SPAG9: variants seen among roughly 807,000 people sequenced by gnomAD.
SPAG9 encodes the protein sperm associated antigen 9.
In SPAG9, 35 loss-of-function variants were observed where a neutral mutation model predicts 166.5. The ratio of observed to expected loss-of-function variants is 0.21; its 90% CI spans 0.16 to 0.28. SPAG9 has a LOEUF of 0.28. Ranked by LOEUF, SPAG9 falls within the 10% of genes least tolerant of loss-of-function variation. The pLI, the probability that SPAG9 is intolerant of heterozygous loss-of-function variation, is 1.00. For missense variants in SPAG9, 1,235 were observed against 1,603.3 expected (o/e 0.77, Z 3.92); for synonymous variants, 534 against 565.5 (o/e 0.94, Z 0.79).
rs1261342927 is a variant in SPAG9, at chr17:50,989,845, T to A, written c.2645A>T (p.Asp882Val). 1 of 1,614,048 alleles carries A rather than the reference T, an allele frequency of 6.2e-7. No homozygotes were observed. Among genetic ancestry groups the A allele is most frequent in the South Asian group, 1.1e-5 (1 of 91,082 alleles). ...PEMEAENSEV[D>V]ENVPTAEEAT... ...TTCTTCTGCTGTTGGAACATTTTCA[T>A]CAACCTCACTATTTTCTGCTTCCAT... The change falls in exon 21 of 30, where the codon GAT (aspartate) becomes GTT (valine). Residue 882 changes from aspartate to valine, a missense_variant. This residue lies in a region of SPAG9 where 493 missense variants were observed against 559.4 expected (regional missense o/e 0.88). Coordinates refer to ENST00000262013, the MANE Select transcript of SPAG9 (RefSeq NM_001130528.3).
At chr17:51,006,269 C>T (rs1189246200) in intron 10 of SPAG9, 32 bp from the exon 11 acceptor site, 2 of 1,598,906 alleles carry the variant, frequency 1.3e-6, no homozygotes, top group Non-Finnish European at 1.7e-6. Flanking sequence ...TGCATCATTA[C>T]AAATAAATAT....
intron 8 of SPAG9, among the ~76,000 whole-genome samples, chr17:51,018,898 A>G (rs2045816323): frequency 6.6e-6 from 1 of 152,182 alleles, no homozygotes; most frequent in Admixed American, 6.5e-5. Flanking sequence ...AGTTACAGAA[A>G]GTATGGGATA....
At chr17:51,119,132 A>G (rs2049394927) in intron 1 of SPAG9, among the ~76,000 whole-genome samples, 1 of 152,120 alleles carries the variant, frequency 6.6e-6, no homozygotes, top group Non-Finnish European at 1.5e-5. Context: ...TCATCACTAC[A>G]GTCAAGCTTT....
At chr17:50,992,208 C>T (rs1567971775) in intron 19 of SPAG9, among the ~76,000 whole-genome samples, 1 of 151,882 alleles carries the variant, frequency 6.6e-6, no homozygotes, top group Non-Finnish European at 1.5e-5. Flanking sequence ...GCTTTTCCAT[C>T]ACCTCACACA....
chr17:50,986,899 T>C (rs1467626776), intron 22 of SPAG9, among the ~76,000 whole-genome samples: 2 of 152,208 alleles, frequency 1.3e-5, no homozygotes, highest in East Asian at 3.8e-4. Flanking sequence ...AAAGGGAACA[T>C]TCTGTGACAA....
chr17:51,068,620 A>G (rs2047737992), intron 2 of SPAG9, among the ~76,000 whole-genome samples: 1 of 152,150 alleles, frequency 6.6e-6, no homozygotes, highest in African/African-American at 2.4e-5. Context: ...TGACCAACCA[A>G]AGCCAAAAAA....
chr17:50,979,810 A>G lies in SPAG9; in HGVS notation c.3345T>C (p.Tyr1115=). ...GTAGATGTTGATAAGTGTGTGCATG[A>G]TAGAGACGGAGCGTAGAATCCAAGC... ...SIRLDSTLRL[Y]HAHTYQHLQD... The change falls in exon 26 of 30, where the codon TAT becomes TAC. Residue 1115 remains tyrosine (Y), a synonymous_variant. Coordinates refer to ENST00000262013, the MANE Select transcript of SPAG9 (RefSeq NM_001130528.3). 6.2e-7 allele frequency: 1 copy of G among 1,614,226 alleles called. No homozygotes were observed. Among genetic ancestry groups the G allele is most frequent in the Non-Finnish European group, 8.5e-7 (1 of 1,180,018 alleles).
At chr17:51,062,800 G>A (rs2047554417) in intron 2 of SPAG9, among the ~76,000 whole-genome samples, 2 of 152,186 alleles carry the variant, frequency 1.3e-5, no homozygotes, top group African/African-American at 4.8e-5. Context: ...ATGTTGGCCA[G>A]GCTGGTCTCG....
chr17:51,094,863 C>T (rs1202588110), intron 1 of SPAG9, among the ~76,000 whole-genome samples: 1 of 152,182 alleles, frequency 6.6e-6, no homozygotes, highest in East Asian at 1.9e-4. Context: ...AAATATATAG[C>T]TATGTACTTC....
In SPAG9 at chr17:50,970,697, A is replaced by G. The variant is rs1414292854; in HGVS notation, c.3850+10T>C. 6.2e-7 allele frequency: 1 copy of G among 1,612,978 alleles called. No individual in the cohort carries two copies. Among genetic ancestry groups the G allele is most frequent in the Admixed American group, 1.7e-5 (1 of 59,974 alleles). ...CAGTGCAAACTGAGCACCCAGAACC[A>G]ATGACATACCCATTCGGAAGTCGAT... On this transcript the variant is annotated intron_variant, in intron 29 of 29. Transcript: ENST00000262013.
chr17:51,018,722 G>A (rs760563587), intron 8 of SPAG9, among the ~76,000 whole-genome samples: 1 of 152,140 alleles, frequency 6.6e-6, no homozygotes, highest in East Asian at 1.9e-4. Flanking sequence ...CCAGTCAGGA[G>A]GGGGCTGGAC....
In SPAG9 at chr17:50,989,694, G is replaced by A; in HGVS notation, c.2796C>T (p.Ser932=). 1 of 1,614,072 alleles carries A rather than the reference G, an allele frequency of 6.2e-7. No individual in the cohort carries two copies. Among genetic ancestry groups the A allele is most frequent in the Non-Finnish European group, 8.5e-7 (1 of 1,179,980 alleles). ...PLGVQIPEDL[S]PVYQSSNDSD... ...TATTATACCTCGACTGATACACTGGGGAGAGGTCTTCTGGGATCTGAACTC... is the reference window on the plus strand; with the variant it reads ...TATTATACCTCGACTGATACACTGGAGAGAGGTCTTCTGGGATCTGAACTC... The change falls in exon 21 of 30, where the codon TCC becomes TCT. Residue 932 remains serine (S), a synonymous_variant. Coordinates refer to ENST00000262013, the MANE Select transcript of SPAG9 (RefSeq NM_001130528.3).
intron 5 of SPAG9, 33 bp from the exon 6 acceptor site, chr17:51,031,755 A>G: frequency 1.3e-6 from 2 of 1,514,268 alleles, no homozygotes; most frequent in Non-Finnish European, 1.8e-6. Context: ...AAGAGAAAAA[A>G]ATTATGTGTT....
intron 21 of SPAG9, among the ~76,000 whole-genome samples, chr17:50,989,364 T>C (rs867542863): frequency 1.3e-5 from 2 of 152,234 alleles, no homozygotes; most frequent in Admixed American, 6.5e-5. Context: ...ATGCACTCTA[T>C]GATGTTCACA....
chr17:50,987,067 A>G (rs758947298), intron 22 of SPAG9, 45 bp downstream of exon 22: 3 of 1,561,338 alleles, frequency 1.9e-6, no homozygotes, highest in Admixed American at 2.1e-5. Flanking sequence ...TTTCAAAAGC[A>G]AAAGTAAAAC....
intron 1 of SPAG9, among the ~76,000 whole-genome samples, chr17:51,113,554 C>T (rs773317459): frequency 6.6e-6 from 1 of 151,274 alleles, no homozygotes; most frequent in East Asian, 1.9e-4. Context: ...GTTGTGAGCA[C>T]CTGTAGTCCC....
chr17:51,030,082 A>G (rs1055134955), intron 6 of SPAG9, among the ~76,000 whole-genome samples: 96 of 152,342 alleles, frequency 6.3e-4, no homozygotes, highest in African/African-American at 2.2e-3. Flanking sequence ...TGGGTTTTAA[A>G]TATCAGGCTA....
Position 51,041,520 on chromosome 17 carries a change from C to A in SPAG9, c.722G>T (p.Arg241Leu), listed in dbSNP as rs373720454. The change falls in exon 5 of 30, where the codon CGT becomes CTT. Residue 241 changes from arginine (R) to leucine (L), a missense_variant. Transcript: ENST00000262013. ...QWKFQELSQP[R>L]SHTSLKVSNS... ...GCTTACCTTCAGGCTGGTATGAGAA[C>A]GTGGTTGACTTAATTCCTGAAATTT... 6.2e-7 allele frequency: 1 copy of A among 1,613,768 alleles called. No homozygotes were observed. Among genetic ancestry groups the A allele is most frequent in the South Asian group, 1.1e-5 (1 of 91,022 alleles).
chr17:51,007,222 C>A (rs753184804), intron 10 of SPAG9, 47 bp downstream of exon 10: 3 of 1,124,242 alleles, frequency 2.7e-6, no homozygotes, highest in Non-Finnish European at 3.9e-6. Flanking sequence ...TTGACTTGGA[C>A]AAGAAGAAAA....
Sources: gnomAD v4.1 joint callset for allele counts (sites outside exome capture counted in the v4.1 genomes callset) on GRCh38, gnomAD v4.1.1 for gene constraint, gnomAD v4.1.1 regional missense constraint, MANE v1.5 for transcripts, NCBI Gene and HGNC (gene_info 2026-07-23, HGNC 2026-07-21) for gene names.